Variants in ABCA13 observed in about 807,000 individuals in gnomAD.
ABCA13 encodes ATP binding cassette subfamily A member 13.
In ABCA13, 476 loss-of-function variants were observed where a neutral mutation model predicts 478.7. The observed-to-expected ratio is 0.99, with a 90% CI of 0.92 to 1.07. The LOEUF (loss-of-function observed/expected upper bound fraction) is 1.07, where lower values mean the gene tolerates loss of function less well. ABCA13 is among the 50% of genes least tolerant of loss of function. The pLI is 0.00. For missense variants in ABCA13, 6,060 were observed against 5,910.6 expected, an observed-to-expected ratio of 1.03 and a Z score of -0.83; for synonymous variants, 2,252 against 2,158.9, an observed-to-expected ratio of 1.04 and a Z score of -1.20.
chr7:48,295,307 GTTTGCCATT>G (rs1322016208), intron 20 of ABCA13, among the ~76,000 whole-genome samples: 1 of 152,176 alleles, frequency 6.6e-6, no homozygotes, highest in Non-Finnish European at 1.5e-5. Flanking sequence ...TCTTTTACCT[GTTTGCCATT>G]TTGATGTCTT....
chr7:48,532,613 CT>C (rs1304198737), intron 55 of ABCA13, among the ~76,000 whole-genome samples: 3 of 152,030 alleles, frequency 2.0e-5, no homozygotes, highest in African/African-American at 7.2e-5. Flanking sequence ...TAGAATTCAG[CT>C]GTAAATTCCT....
At chr7:48,378,576 G>C (rs541733915) in intron 35 of ABCA13, among the ~76,000 whole-genome samples, 3 of 152,012 alleles carry the variant, frequency 2.0e-5, no homozygotes, top group African/African-American at 7.3e-5. Context: ...CTAATTCCCT[G>C]CCCTCCCATT....
At chr7:48,390,071 G>GT (rs1017990544) in intron 37 of ABCA13, among the ~76,000 whole-genome samples, 3 of 151,908 alleles carry the variant, frequency 2.0e-5, no homozygotes, top group Admixed American at 1.3e-4. Flanking sequence ...GCGTGTGAGT[G>GT]TTTTTTTTAG....
rs972945018 is a variant in ABCA13, at chr7:48,193,048, C to T, written c.159C>T (p.Asp53=). The change falls in exon 2 of 62, where the codon GAC becomes GAT. Residue 53 remains aspartate, a synonymous_variant. Transcript: ENST00000435803. Reference sequence around the variant, plus strand: ...TTCAAGAACCTCCCAGATACAGAGACATTTGTAAGTTTCACTTTTTAATAT... The same window carrying T: ...TTCAAGAACCTCCCAGATACAGAGATATTTGTAAGTTTCACTTTTTAATAT... ...LRFQEPPRYR[D]ICYLQPRDLP... The T allele has an allele frequency of 6.1e-5, 93 of 1,529,936 alleles. No homozygotes were observed. Among genetic ancestry groups the T allele is most frequent in the African/African-American group, 9.6e-5 (7 of 72,574 alleles). The allele number at this position is 1,529,936 out of a possible 1,614,324, so 94.8% of individuals were successfully genotyped here.
intron 11 of ABCA13, 25 bp downstream of exon 11, chr7:48,244,728 T>A: frequency 6.4e-7 from 1 of 1,566,328 alleles, no homozygotes; most frequent in Non-Finnish European, 8.7e-7. Flanking sequence ...GTGTTATTTG[T>A]CCCTGACTCA....
intron 35 of ABCA13, among the ~76,000 whole-genome samples, chr7:48,386,193 T>G (rs1815161821): frequency 6.6e-6 from 1 of 152,046 alleles, no homozygotes; most frequent in Non-Finnish European, 1.5e-5. Context: ...AGGTGAAAGA[T>G]CTCTACAAGG....
At chr7:48,629,991 A>G (rs1563527963) in intron 59 of ABCA13, among the ~76,000 whole-genome samples, 1 of 152,174 alleles carries the variant, frequency 6.6e-6, no homozygotes, top group East Asian at 1.9e-4. Flanking sequence ...AATTTTTAAA[A>G]TTATTATTAT....
intron 30 of ABCA13, 75 bp downstream of exon 30, chr7:48,350,894 A>T: frequency 6.8e-7 from 1 of 1,466,056 alleles, no homozygotes; most frequent in Non-Finnish European, 9.3e-7. Flanking sequence ...GTTTCTCCCT[A>T]AAGGTGTCTT....
chr7:48,628,644 T>C (rs972062181), intron 59 of ABCA13, among the ~76,000 whole-genome samples: 1 of 152,236 alleles, frequency 6.6e-6, no homozygotes, highest in Non-Finnish European at 1.5e-5. Flanking sequence ...CATTAATTTA[T>C]GTACTTAGAG....
Position 48,227,368 on chromosome 7 carries a change from A to G in ABCA13, c.575A>G (p.His192Arg), listed in dbSNP as rs779662636. 6.2e-7 allele frequency: 1 copy of G among 1,614,026 alleles called. No homozygotes were observed. The highest frequency in any genetic ancestry group is 2.2e-5 in the East Asian group (1 of 44,880). ...TTACTGCCGAGACTACACACAAGCC[A>G]TGATCATGTGGAAGATGGCATGGAT... is the stretch of plus-strand genomic sequence containing the variant. ...LLLLPRLHTS[H>R]DHVEDGMDVA... The change falls in exon 6 of 62, where the codon CAT becomes CGT. Residue 192 changes from histidine (H) to arginine (R), a missense_variant. Around this residue, in one of 3 missense-constraint regions of ABCA13, gnomAD observed 4,423 missense variants for 4,309.1 expected, o/e 1.03. Transcript: ENST00000435803.
rs1386908548 is a variant in ABCA13, at chr7:48,245,996, T to C, written c.1625T>C (p.Val542Ala). The C allele has an allele frequency of 6.2e-7, 1 of 1,613,746 alleles. No homozygotes were observed. The highest frequency in any genetic ancestry group is 2.2e-5 in the East Asian group (1 of 44,864). ...LCYCNSSETS[V>A]LNKLLGSVED... ...TATTGTAACTCCTCTGAGACGAGTG[T>C]TTTAAACAAGCTACTTGGTTCAGTA... The change falls in exon 13 of 62, where the codon GTT (valine) becomes GCT (alanine). Residue 542 changes from valine (V) to alanine (A), a missense_variant. Val to Ala is a moderately conservative substitution (Grantham distance 64). This residue lies in a region of ABCA13 where 4,423 missense variants were observed against 4,309.1 expected (regional missense o/e 1.03). Coordinates refer to ENST00000435803, the MANE Select transcript of ABCA13 (RefSeq NM_152701.5).
chr7:48,298,949 G>T (rs1799774053), intron 23 of ABCA13, among the ~76,000 whole-genome samples: 2 of 152,214 alleles, frequency 1.3e-5, no homozygotes, highest in African/African-American at 4.8e-5. Flanking sequence ...GTGAATCACT[G>T]TGAACGCAAA....
chr7:48,263,848 C>T (rs1794521615), intron 15 of ABCA13, among the ~76,000 whole-genome samples: 1 of 151,698 alleles, frequency 6.6e-6, no homozygotes, highest in Non-Finnish European at 1.5e-5. Flanking sequence ...GTGTAGTAAT[C>T]ACATCCATGT....
chr7:48,342,329 A>C (rs1386676365), intron 29 of ABCA13, among the ~76,000 whole-genome samples: 1 of 151,954 alleles, frequency 6.6e-6, no homozygotes, highest in Non-Finnish European at 1.5e-5. Flanking sequence ...AGCTCTTAAG[A>C]GGTGTGTGTT....
At chr7:48,289,336 G>T (rs1022504854) in intron 20 of ABCA13, among the ~76,000 whole-genome samples, 1 of 142,366 alleles carries the variant, frequency 7.0e-6, no homozygotes. Flanking sequence ...GTGGATACAG[G>T]AAAAAAAAAA....
At chr7:48,483,916 C>A (rs181610318) in intron 47 of ABCA13, among the ~76,000 whole-genome samples, 3 of 152,108 alleles carry the variant, frequency 2.0e-5, no homozygotes, top group Admixed American at 6.6e-5. Context: ...AAGTCCACTG[C>A]GGGAGAGTGA....
chr7:48,211,406 A>AGT, intron 3 of ABCA13, among the ~76,000 whole-genome samples: 1 of 152,322 alleles, frequency 6.6e-6, no homozygotes, highest in South Asian at 2.1e-4. Flanking sequence ...GGACTTAGGG[A>AGT]AGTTAAGAGA....
chr7:48,545,046 CAG>C (rs1355057372), intron 55 of ABCA13, among the ~76,000 whole-genome samples: 1 of 151,924 alleles, frequency 6.6e-6, no homozygotes, highest in African/African-American at 2.4e-5. Flanking sequence ...AGAGGAAAAA[CAG>C]AGTTTTCACA....
chr7:48,374,197 A>C (rs1813093233), intron 33 of ABCA13, 150 bp from the exon 34 acceptor site: 1 of 668,730 alleles, frequency 1.5e-6, no homozygotes, highest in South Asian at 2.0e-5. Context: ...TTTCAGATCA[A>C]AATATTTAAA....
Sources: gnomAD v4.1 joint callset for allele counts (sites outside exome capture counted in the v4.1 genomes callset) on GRCh38, gnomAD v4.1.1 for gene constraint, gnomAD v4.1.1 regional missense constraint, MANE v1.5 for transcripts, NCBI Gene and HGNC (gene_info 2026-07-23, HGNC 2026-07-21) for gene names.